Variants in RANBP2 observed in about 807,000 individuals in gnomAD.
The protein encoded by RANBP2 is RAN binding protein 2, also known as E3 SUMO-protein ligase RanBP2.
In RANBP2, 57 loss-of-function variants were observed where a neutral mutation model predicts 303.6. The observed-to-expected ratio is 0.19, with a 90% CI of 0.15 to 0.23. The LOEUF (loss-of-function observed/expected upper bound fraction) is 0.23. RANBP2 is among the 10% of genes least tolerant of loss of function. The pLI, the probability that RANBP2 is intolerant of heterozygous loss-of-function variation, is 1.00. For synonymous variants in RANBP2, 1,167 were observed against 1,301.5 expected (o/e 0.90, Z 2.23); for missense variants, 3,138 against 3,780.8 (o/e 0.83, Z 4.46).
chr2:109,596,580 G>A, the RANBP2 span, among the ~76,000 whole-genome samples: 5 of 151,196 alleles, frequency 3.3e-5, no homozygotes, highest in South Asian at 2.1e-4. Flanking sequence ...TCGCGCCGCT[G>A]CACTCCAGCC....
chr2:109,540,881 C>CTTT, the RANBP2 span, among the ~76,000 whole-genome samples: 1 of 151,570 alleles, frequency 6.6e-6, no homozygotes, highest in Non-Finnish European at 1.5e-5. Context: ...TAACCTTTCT[C>CTTT]GTCTATAAAG....
the RANBP2 span, among the ~76,000 whole-genome samples, chr2:109,625,087 CAAAAAAA>C: frequency 0.01 from 625 of 60,118 alleles, 1 homozygote; most frequent in Non-Finnish European, 0.016. Flanking sequence ...ACAACAACAA[CAAAAAAA>C]AAAAAAAAAA....
At chr2:109,368,718 AAAAAAG>A in the RANBP2 span, among the ~76,000 whole-genome samples, 401 of 150,880 alleles carry the variant, frequency 2.7e-3, 4 homozygotes, top group African/African-American at 9.1e-3. Flanking sequence ...TAAAAAAAAA[AAAAAAG>A]AAAAAGAAAA....
chr2:108,866,727 A>G, the RANBP2 span, among the ~76,000 whole-genome samples: 26 of 152,308 alleles, frequency 1.7e-4, no homozygotes, highest in Non-Finnish European at 2.9e-4. Context: ...TACTAAAAAT[A>G]CAAACATTAG....
the RANBP2 span, chr2:109,502,014 A>G: frequency 6.9e-5 from 17 of 245,652 alleles, 1 homozygote; most frequent in Non-Finnish European, 1.1e-4. Flanking sequence ...CCACCTAAGC[A>G]GGGTTGGAGG....
At chr2:108,742,929 C>T (rs1356334896) in intron 7 of RANBP2, among the ~76,000 whole-genome samples, 2 of 152,064 alleles carry the variant, frequency 1.3e-5, no homozygotes, top group Non-Finnish European at 2.9e-5. Flanking sequence ...GCTGGGACTA[C>T]AGGCACCCAC....
chr2:109,616,920 A>G, the RANBP2 span: 1 of 167,000 alleles, frequency 6.0e-6, no homozygotes, highest in Non-Finnish European at 1.5e-5. Context: ...AAAAGTTTGA[A>G]TTTGCTGGGG....
At chr2:109,618,191 G>A in the RANBP2 span, 1 of 166,956 alleles carries the variant, frequency 6.0e-6, no homozygotes, top group Non-Finnish European at 1.5e-5. Context: ...CTCCTGGAAG[G>A]TGAAAAGTAG....
chr2:109,475,531 G>A, the RANBP2 span, among the ~76,000 whole-genome samples: 1 of 152,244 alleles, frequency 6.6e-6, no homozygotes, highest in Admixed American at 6.5e-5. Flanking sequence ...ACAGTTGGCT[G>A]TGGGTGGGGA....
At chr2:109,184,025 G>A in the RANBP2 span, among the ~76,000 whole-genome samples, 1 of 152,208 alleles carries the variant, frequency 6.6e-6, no homozygotes, top group Non-Finnish European at 1.5e-5. Flanking sequence ...GTGACACGGT[G>A]TGTGTTGAGT....
chr2:109,163,558 C>T, the RANBP2 span, among the ~76,000 whole-genome samples: 3 of 151,024 alleles, frequency 2.0e-5, no homozygotes, highest in African/African-American at 4.9e-5. Context: ...GCCACTACGC[C>T]CGGCTAATTT....
the RANBP2 span, among the ~76,000 whole-genome samples, chr2:108,825,667 A>G: frequency 6.6e-6 from 1 of 152,192 alleles, no homozygotes; most frequent in Non-Finnish European, 1.5e-5. Context: ...ATAATCTATA[A>G]TATAGATATA....
At chr2:109,558,294 C>T in the RANBP2 span, among the ~76,000 whole-genome samples, 1 of 152,124 alleles carries the variant, frequency 6.6e-6, no homozygotes, top group African/African-American at 2.4e-5. Flanking sequence ...TATAGACTAC[C>T]TGAAGAACTA....
At chr2:108,760,268 C>T (rs557767342) in intron 18 of RANBP2, among the ~76,000 whole-genome samples, 1 of 152,202 alleles carries the variant, frequency 6.6e-6, no homozygotes, top group African/African-American at 2.4e-5. Flanking sequence ...CTAGTTCTTT[C>T]TCTATACATA....
chr2:108,950,508 A>T, the RANBP2 span, among the ~76,000 whole-genome samples: 2 of 152,202 alleles, frequency 1.3e-5, no homozygotes, highest in Non-Finnish European at 2.9e-5. Flanking sequence ...ACAAGGCCAG[A>T]TCAACCAGGG....
At chr2:109,044,613 C>G in the RANBP2 span, among the ~76,000 whole-genome samples, 1 of 145,736 alleles carries the variant, frequency 6.9e-6, no homozygotes, top group Non-Finnish European at 1.5e-5. Flanking sequence ...CTGACTCATT[C>G]TGTTAAAATT....
chr2:108,937,014 C>T, the RANBP2 span, among the ~76,000 whole-genome samples: 76 of 152,344 alleles, frequency 5.0e-4, 1 homozygote, highest in East Asian at 0.011. Flanking sequence ...GGAGGCCCCC[C>T]ACAGTGCTGT....
At chr2:108,868,801 G>GA in the RANBP2 span, among the ~76,000 whole-genome samples, 25 of 151,674 alleles carry the variant, frequency 1.6e-4, no homozygotes, top group Non-Finnish European at 3.7e-4. Context: ...AAAACTTGAA[G>GA]AAAAAAAAGC....
chr2:109,520,598 CAAAAAAAAAAAAA>C, the RANBP2 span, among the ~76,000 whole-genome samples: 2 of 50,100 alleles, frequency 4.0e-5, 1 homozygote, highest in Non-Finnish European at 8.0e-5. Context: ...GACTCCATCT[CAAAAAAAAAAAAA>C]AAAAAAAAAA....
Sources: gnomAD v4.1 joint callset for allele counts (sites outside exome capture counted in the v4.1 genomes callset) on GRCh38, gnomAD v4.1.1 for gene constraint, MANE v1.5 for transcripts, NCBI Gene and HGNC (gene_info 2026-07-23, HGNC 2026-07-21) for gene names.